Variants in DMD observed in about 807,000 individuals in gnomAD.
The protein encoded by DMD is dystrophin.
A neutral mutation model predicts 330.1 loss-of-function variants in DMD; 63 were observed. The ratio of observed to expected loss-of-function variants is 0.19; its 90% CI spans 0.16 to 0.24. The LOEUF (loss-of-function observed/expected upper bound fraction) is 0.24. Ranked by LOEUF, DMD falls within the 10% of genes least tolerant of loss-of-function variation. The probability of loss-of-function intolerance (pLI) is 1.00; values close to 1 mark genes in which losing one functional copy is unlikely to be tolerated. For synonymous variants in DMD, 1,223 were observed against 959.8 expected (o/e 1.27, Z -5.07); for missense variants, 3,344 against 2,684.1 (o/e 1.25, Z -5.43).
chrX:32,770,128 G>C (rs990795030), intron 7 of DMD, among the ~76,000 whole-genome samples: 9 of 111,909 alleles, frequency 8.0e-5, no homozygotes, highest in African/African-American at 2.9e-4. Flanking sequence ...GCAATAAAAG[G>C]CAGGCATAGA....
chrX:32,773,042 T>C (rs2073792145), intron 7 of DMD, among the ~76,000 whole-genome samples: 1 of 111,825 alleles, frequency 8.9e-6, no homozygotes, highest in Non-Finnish European at 1.9e-5. Context: ...CCTTCCGTCA[T>C]GCTCCTCTTC....
At chrX:32,520,137 GA>G (rs1353147493) in intron 17 of DMD, among the ~76,000 whole-genome samples, 2 of 111,551 alleles carry the variant, frequency 1.8e-5, no homozygotes, top group African/African-American at 6.5e-5. Context: ...AATGTTTATG[GA>G]TTTTTATTGT....
chrX:31,514,624 T>A (rs1004679390), intron 55 of DMD, among the ~76,000 whole-genome samples: 1 of 112,481 alleles, frequency 8.9e-6, no homozygotes, highest in South Asian at 3.6e-4. Context: ...GAATATTACA[T>A]GGAATTTTTG....
At chrX:32,778,502 C>G (rs1429244897) in intron 7 of DMD, among the ~76,000 whole-genome samples, 1 of 111,559 alleles carries the variant, frequency 9.0e-6, no homozygotes, top group Non-Finnish European at 1.9e-5. Context: ...ATCTTAATGG[C>G]TTAAAACAAG....
chrX:32,943,739 G>A (rs1184049759), intron 2 of DMD, among the ~76,000 whole-genome samples: 1 of 111,905 alleles, frequency 8.9e-6, no homozygotes, highest in Non-Finnish European at 1.9e-5. Context: ...ATTGCAAACT[G>A]CTCTCATGAA....
At chrX:33,286,688 G>C (rs969823274) in intron 1 of DMD, among the ~76,000 whole-genome samples, 3 of 111,680 alleles carry the variant, frequency 2.7e-5, no homozygotes, top group African/African-American at 6.5e-5. Flanking sequence ...TGAGTGCTTG[G>C]CATCCTTCAT....
At chrX:33,248,653 C>T (rs932078638) in intron 1 of DMD, among the ~76,000 whole-genome samples, 4 of 111,744 alleles carry the variant, frequency 3.6e-5, no homozygotes, top group Non-Finnish European at 7.5e-5. Flanking sequence ...TAGAAGTATG[C>T]TTATTTATGG....
At position 32,702,277 on chromosome X, in the gene DMD, T is replaced by A. The variant is rs771688280; in HGVS notation, c.650-2984A>T. On this transcript the variant is annotated intron_variant, in intron 7 of 78. Transcript: ENST00000357033. ...GTTTAACATGTTCAGATTTTTAAAA[T>A]CATATAATATTGGAGGATAAGGCAA... is the stretch of plus-strand genomic sequence containing the variant. Among the ~76,000 whole-genome samples the A allele has an allele frequency of 1.9e-3, 218 of 112,049 alleles. 1 individual carries two copies. The highest frequency in any genetic ancestry group is 0.015 in the South Asian group (40 of 2,719).
chrX:32,354,119 C>G (rs188503810), intron 37 of DMD, among the ~76,000 whole-genome samples: 1 of 111,094 alleles, frequency 9.0e-6, no homozygotes, highest in African/African-American at 3.2e-5. Context: ...GATACACTAG[C>G]ATAATAACGA....
chrX:31,495,271 G>T (rs2069727690), intron 57 of DMD, among the ~76,000 whole-genome samples: 1 of 108,546 alleles, frequency 9.2e-6, no homozygotes, highest in African/African-American at 3.4e-5. Context: ...TGCCACCTTT[G>T]GCTGTATCTC....
chrX:32,030,317 CCAGA>C (rs1405337889), intron 44 of DMD, among the ~76,000 whole-genome samples: 1 of 111,785 alleles, frequency 8.9e-6, no homozygotes, highest in Non-Finnish European at 1.9e-5. Context: ...AGCATTGCTC[CCAGA>C]CAAACTTATT....
At chrX:32,396,747 C>A (rs778425655) in intron 30 of DMD, among the ~76,000 whole-genome samples, 1 of 111,359 alleles carries the variant, frequency 9.0e-6, no homozygotes, top group East Asian at 2.8e-4. Context: ...CCAATTGATT[C>A]TACTATGGGT....
intron 1 of DMD, among the ~76,000 whole-genome samples, chrX:33,124,022 C>G: frequency 9.2e-6 from 1 of 108,225 alleles, no homozygotes; most frequent in Admixed American, 9.9e-5. Flanking sequence ...AAAAAATTAG[C>G]TGGGCGTAGT....
At chrX:33,101,793 G>A (rs1301138897) in intron 1 of DMD, among the ~76,000 whole-genome samples, 1 of 112,141 alleles carries the variant, frequency 8.9e-6, no homozygotes, top group Non-Finnish European at 1.9e-5. Flanking sequence ...TAAATAATAT[G>A]GTAAATGACA....
chrX:32,729,628 G>A (rs1464233359), intron 7 of DMD, among the ~76,000 whole-genome samples: 7 of 111,564 alleles, frequency 6.3e-5, no homozygotes, highest in Non-Finnish European at 1.3e-4. Flanking sequence ...ACCCTTGTAA[G>A]TTTTTGTTAA....
At chrX:32,380,302 T>C (rs1278550505) in intron 34 of DMD, among the ~76,000 whole-genome samples, 2 of 111,436 alleles carry the variant, frequency 1.8e-5, no homozygotes, top group Admixed American at 1.9e-4. Flanking sequence ...TACTGAACTC[T>C]AAGGAAGCTT....
At chrX:31,687,253 G>C (rs2082743954) in intron 52 of DMD, among the ~76,000 whole-genome samples, 1 of 110,694 alleles carries the variant, frequency 9.0e-6, no homozygotes, top group Non-Finnish European at 1.9e-5. Flanking sequence ...TGGTGGTTAT[G>C]GTGAAAGACC....
At chrX:31,243,390 G>GA (rs1036758849) in intron 63 of DMD, among the ~76,000 whole-genome samples, 1 of 111,219 alleles carries the variant, frequency 9.0e-6, no homozygotes, top group African/African-American at 3.3e-5. Flanking sequence ...TTATTTAGCT[G>GA]AAAAAAAATT....
chrX:32,747,395 G>T (rs1024744211), intron 7 of DMD, among the ~76,000 whole-genome samples: 17 of 112,041 alleles, frequency 1.5e-4, no homozygotes, highest in Non-Finnish European at 3.0e-4. Flanking sequence ...AGTTGTGGCT[G>T]CAGAATCTTG....
Sources: gnomAD v4.1 joint callset for allele counts (sites outside exome capture counted in the v4.1 genomes callset) on GRCh38, gnomAD v4.1.1 for gene constraint, MANE v1.5 for transcripts, NCBI Gene and HGNC (gene_info 2026-07-23, HGNC 2026-07-21) for gene names.